Variants in SH3BP4 observed in about 807,000 individuals in gnomAD.
SH3BP4 encodes SH3 domain binding protein 4.
Under a neutral mutation model 65.5 loss-of-function variants are expected in SH3BP4, and 33 were observed. That is an observed-to-expected ratio of 0.50 (90% CI 0.38 to 0.67). The LOEUF (loss-of-function observed/expected upper bound fraction) is 0.67. Among genes scored for constraint, SH3BP4 ranks in the 30% least tolerant of loss-of-function variants. SH3BP4 has a pLI of 0.00. For synonymous variants in SH3BP4, 552 were observed against 545.5 expected, an observed-to-expected ratio of 1.01 and a Z score of -0.17; for missense variants, 1,134 against 1,261.4, an observed-to-expected ratio of 0.90 and a Z score of 1.53.
chr2:235,040,397 G>T (rs1407074119), intron 3 of SH3BP4, among the ~76,000 whole-genome samples: 2 of 151,914 alleles, frequency 1.3e-5, no homozygotes, highest in Non-Finnish European at 2.9e-5. Context: ...GGCAGAGCTT[G>T]GAATCAGCTC....
At chr2:234,992,098 G>A (rs1399588133) in intron 1 of SH3BP4, among the ~76,000 whole-genome samples, 1 of 152,246 alleles carries the variant, frequency 6.6e-6, no homozygotes, top group East Asian at 1.9e-4. Flanking sequence ...CCAAAAATGT[G>A]AAAATAATCA....
Position 234,983,569 on chromosome 2 carries a change from C to T in SH3BP4, c.-206-11734C>T, listed in dbSNP as rs151287211. Among the ~76,000 whole-genome samples, 913 of 152,314 alleles carry T rather than the reference C, an allele frequency of 6.0e-3. 6 individuals are homozygous for T. Among genetic ancestry groups the T allele is most frequent in the Middle Eastern group, 0.01 (3 of 294 alleles). ...AAAAACATATTTCTATCCTAATGCT[C>T]AGAACCTGTAGGTGTTACCTTATTT... On this transcript the variant is annotated intron_variant, in intron 1 of 5. Coordinates refer to ENST00000392011, the MANE Select transcript of SH3BP4 (RefSeq NM_014521.3).
At chr2:234,961,721 A>G (rs934345955) in intron 1 of SH3BP4, among the ~76,000 whole-genome samples, 3 of 152,186 alleles carry the variant, frequency 2.0e-5, no homozygotes, top group Admixed American at 1.3e-4. Context: ...AACAGAGTGT[A>G]AGGGTTTGAT....
At chr2:234,968,413 T>C (rs972813876) in intron 1 of SH3BP4, among the ~76,000 whole-genome samples, 7 of 151,646 alleles carry the variant, frequency 4.6e-5, no homozygotes, top group African/African-American at 1.7e-4. Context: ...TTTACTCTTA[T>C]TTTCTAGTTA....
intron 4 of SH3BP4, among the ~76,000 whole-genome samples, chr2:235,048,002 G>C (rs1485164744): frequency 6.6e-6 from 1 of 152,172 alleles, no homozygotes. Flanking sequence ...GCTAGCAAGT[G>C]CATGGGGCGC....
chr2:234,962,219 C>T (rs555349497), intron 1 of SH3BP4, among the ~76,000 whole-genome samples: 4 of 152,286 alleles, frequency 2.6e-5, no homozygotes, highest in African/African-American at 9.6e-5. Context: ...TCACCACAAC[C>T]TCCGCCTCCC....
intron 2 of SH3BP4, among the ~76,000 whole-genome samples, chr2:235,021,891 G>GT (rs1200481172): frequency 6.6e-6 from 1 of 152,132 alleles, no homozygotes; most frequent in Non-Finnish European, 1.5e-5. Context: ...GGGACAAATT[G>GT]TTCAGGAATT....
At chr2:234,960,274 C>T (rs1323394385) in intron 1 of SH3BP4, among the ~76,000 whole-genome samples, 1 of 151,276 alleles carries the variant, frequency 6.6e-6, no homozygotes, top group Non-Finnish European at 1.5e-5. Flanking sequence ...CGTTTCCTTA[C>T]CCCTGTCCCA....
At chr2:234,953,823 T>C (rs1200516229) in intron 1 of SH3BP4, among the ~76,000 whole-genome samples, 1 of 152,070 alleles carries the variant, frequency 6.6e-6, no homozygotes, top group Non-Finnish European at 1.5e-5. Context: ...TCCTGGTTCC[T>C]TGCTCAGTGC....
intron 1 of SH3BP4, among the ~76,000 whole-genome samples, chr2:234,984,094 A>G (rs2106260207): frequency 6.6e-6 from 1 of 152,344 alleles, no homozygotes; most frequent in Non-Finnish European, 1.5e-5. Flanking sequence ...GGGGCCACAG[A>G]GCCTGAACCA....
rs1695289214 is a variant in SH3BP4, at chr2:235,034,086, A to G, written c.-132-785A>G. 6.6e-6 allele frequency among the ~76,000 whole-genome samples: 1 copy of G among 151,976 alleles called. No homozygotes were observed. Among genetic ancestry groups the G allele is most frequent in the African/African-American group, 2.4e-5 (1 of 41,384 alleles). ...GTCCCTTCTCCCTGGACCCTGCTGA[A>G]GGGCCTGCTCAGAGCCAGTCACCTC... is the stretch of plus-strand genomic sequence containing the variant. On this transcript the variant is annotated intron_variant, in intron 2 of 5. Transcript: ENST00000392011. This position sits in a 1 kb window ranked among gnomAD's most constrained non-coding sequence, Gnocchi z 6.2.
chr2:234,955,843 G>T (rs1027127714), intron 1 of SH3BP4, among the ~76,000 whole-genome samples: 43 of 152,262 alleles, frequency 2.8e-4, no homozygotes, highest in African/African-American at 8.2e-4. Flanking sequence ...ACTACCAGGG[G>T]TTTCATTTTA....
chr2:235,033,250 A>G lies in SH3BP4; in HGVS notation c.-132-1621A>G, dbSNP rs1407212646. 6.6e-6 allele frequency among the ~76,000 whole-genome samples: 1 copy of G among 152,012 alleles called. No homozygotes were observed. Among genetic ancestry groups the G allele is most frequent in the Non-Finnish European group, 1.5e-5 (1 of 67,982 alleles). Reference sequence around the variant, plus strand: ...AAGTCAAAAGTCAAGGCTCTGGCCAACTCTGTTCCTAGGAGGGCCCTCTTC... The same window carrying G: ...AAGTCAAAAGTCAAGGCTCTGGCCAGCTCTGTTCCTAGGAGGGCCCTCTTC... On this transcript the variant is annotated intron_variant, in intron 2 of 5. Transcript: ENST00000392011. The surrounding 1 kb of genome is among the most constrained non-coding windows in gnomAD (Gnocchi z 5.7).
At chr2:234,979,800 A>G (rs1336462755) in intron 1 of SH3BP4, 1 of 151,974 alleles carries the variant, frequency 6.6e-6, no homozygotes, top group Non-Finnish European at 1.5e-5. Flanking sequence ...GGATGCTACA[A>G]CAAGCAGATG....
intron 1 of SH3BP4, among the ~76,000 whole-genome samples, chr2:234,956,822 G>C (rs1574769832): frequency 6.6e-6 from 1 of 151,950 alleles, no homozygotes; most frequent in Non-Finnish European, 1.5e-5. Flanking sequence ...GTCTCCCAAA[G>C]CACTGGGCTT....
intron 2 of SH3BP4, among the ~76,000 whole-genome samples, chr2:235,022,458 C>T (rs541351780): frequency 3.9e-5 from 6 of 151,908 alleles, no homozygotes; most frequent in African/African-American, 1.2e-4. Flanking sequence ...GAGGTGGAGG[C>T]GGCAGTGAGC....
At chr2:235,004,769 T>G (rs1694241561) in intron 2 of SH3BP4, among the ~76,000 whole-genome samples, 1 of 152,246 alleles carries the variant, frequency 6.6e-6, no homozygotes, top group Non-Finnish European at 1.5e-5. Flanking sequence ...TTGTTTACAC[T>G]TTCATTCGTT....
chr2:234,988,129 G>A lies in SH3BP4; in HGVS notation c.-206-7174G>A, dbSNP rs116061554. Among the ~76,000 whole-genome samples, 755 of 152,080 alleles carry A rather than the reference G, an allele frequency of 5.0e-3. 9 individuals are homozygous for A. The highest frequency in any genetic ancestry group is 0.017 in the African/African-American group (708 of 41,492). On this transcript the variant is annotated intron_variant, in intron 1 of 5. Coordinates refer to ENST00000392011, the MANE Select transcript of SH3BP4 (RefSeq NM_014521.3). The stretch of plus-strand genomic sequence containing the variant: ...GGCTGGAGTGCGGTGGTGTAATCCC[G>A]CCTCACTGCATCCTTCGCCTCCCGG...
In SH3BP4 at chr2:234,977,889, G is replaced by C. The variant is rs922052153; in HGVS notation, c.-206-17414G>C. Among the ~76,000 whole-genome samples the C allele has an allele frequency of 2.6e-5, 4 of 152,198 alleles. No individual in the cohort carries two copies. Among genetic ancestry groups the C allele is most frequent in the African/African-American group, 7.2e-5 (3 of 41,456 alleles). Reference sequence around the variant, plus strand: ...AGTCTTAAGCAAGAAGGGTGTCACCGAGGTTGTGTCCTGCAGCTGCTAGTG... The same window carrying C: ...AGTCTTAAGCAAGAAGGGTGTCACCCAGGTTGTGTCCTGCAGCTGCTAGTG... On this transcript the variant is annotated intron_variant, in intron 1 of 5. Coordinates refer to ENST00000392011, the MANE Select transcript of SH3BP4 (RefSeq NM_014521.3). The surrounding 1 kb of genome is among the most constrained non-coding windows in gnomAD (Gnocchi z 5.1).
Sources: allele counts gnomAD v4.1 joint callset (sites outside exome capture counted in the v4.1 genomes callset), GRCh38; gene constraint gnomAD v4.1.1; non-coding constraint Gnocchi (gnomAD v3.1); transcripts MANE v1.5; gene names NCBI Gene and HGNC (gene_info 2026-07-23, HGNC 2026-07-21).